RCOR1: variants seen among roughly 807,000 people sequenced by gnomAD.
RCOR1 encodes REST corepressor 1, also known as REST corepressor.
A neutral mutation model predicts 64.0 loss-of-function variants in RCOR1; 12 were observed. That is an observed-to-expected ratio of 0.19 (90% CI 0.12 to 0.30). RCOR1 has a LOEUF of 0.30. Among genes scored for constraint, RCOR1 ranks in the 10% least tolerant of loss-of-function variants. The pLI, the probability that RCOR1 is intolerant of heterozygous loss-of-function variation, is 1.00. For synonymous variants in RCOR1, 279 were observed against 227.2 expected, an observed-to-expected ratio of 1.23 and a Z score of -2.05; for missense variants, 502 against 621.2, an observed-to-expected ratio of 0.81 and a Z score of 2.04.
rs1164648407 is a variant in RCOR1, at chr14:102,693,750, G to A, written c.446-7528G>A. Reference sequence around the variant, plus strand: ...AGAAAGTTGGGGAAAAGTCCTCGAGGGTCCCCTTCTTTGTTTGGAGCAATT... The same window carrying A: ...AGAAAGTTGGGGAAAAGTCCTCGAGAGTCCCCTTCTTTGTTTGGAGCAATT... On this transcript the variant is annotated intron_variant, in intron 3 of 11. Coordinates refer to ENST00000262241, the MANE Select transcript of RCOR1 (RefSeq NM_015156.4). Among the ~76,000 whole-genome samples, 4 of 152,140 alleles carry A rather than the reference G, an allele frequency of 2.6e-5. No individual in the cohort carries two copies. The East Asian group carries it at 5.8e-4, about 22-fold the overall frequency.
chr14:102,624,773 GA>G lies in RCOR1; in HGVS notation c.361+31461del, dbSNP rs548109072. 2.3e-3 allele frequency among the ~76,000 whole-genome samples: 314 copies of G among 135,660 alleles called. 1 individual carries two copies. The highest frequency in any genetic ancestry group is 7.8e-3 in the Middle Eastern group (2 of 258). 89.0% of individuals were successfully genotyped at this position (135,660 alleles called of 152,430 possible). On this transcript the variant is annotated intron_variant, in intron 2 of 11. Transcript: ENST00000262241. ...AGGACGAGACCCTGTCTCCTCCTCA[GA>G]AAAAAAAAAAAAGCATTACTTAATC...
intron 2 of RCOR1, among the ~76,000 whole-genome samples, chr14:102,677,356 C>G (rs1895202976): frequency 7.0e-6 from 1 of 142,942 alleles, no homozygotes; most frequent in Non-Finnish European, 1.5e-5. Flanking sequence ...CCCCACCTCC[C>G]TCCCGGACGG....
chr14:102,706,457 C>A (rs1251549369), intron 4 of RCOR1, among the ~76,000 whole-genome samples: 3 of 152,038 alleles, frequency 2.0e-5, no homozygotes, highest in Non-Finnish European at 4.4e-5. Flanking sequence ...TAAATTTAAA[C>A]AGGTTGTAAG....
At chr14:102,720,092 G>A (rs1896146613) in intron 8 of RCOR1, among the ~76,000 whole-genome samples, 1 of 152,144 alleles carries the variant, frequency 6.6e-6, no homozygotes, top group African/African-American at 2.4e-5. Context: ...TTTTCGGGTA[G>A]CATCTTCTAC....
chr14:102,613,353 C>G (rs1278948824), intron 2 of RCOR1, among the ~76,000 whole-genome samples: 2 of 151,934 alleles, frequency 1.3e-5, no homozygotes, highest in African/African-American at 4.8e-5. Flanking sequence ...CCGCCATTCT[C>G]AGCCTCCCAA....
At chr14:102,617,313 T>A (rs1379914469) in intron 2 of RCOR1, among the ~76,000 whole-genome samples, 1 of 152,200 alleles carries the variant, frequency 6.6e-6, no homozygotes, top group Non-Finnish European at 1.5e-5. Flanking sequence ...GTATTTTGTA[T>A]TTTTTAGCGT....
intron 3 of RCOR1, among the ~76,000 whole-genome samples, chr14:102,696,690 A>G (rs1208423188): frequency 6.6e-6 from 1 of 152,120 alleles, no homozygotes; most frequent in Non-Finnish European, 1.5e-5. Context: ...GAGTTGGAAA[A>G]GTCCCCACGG....
chr14:102,633,751 C>A (rs1238322846), intron 2 of RCOR1, among the ~76,000 whole-genome samples: 1 of 151,678 alleles, frequency 6.6e-6, no homozygotes, highest in Non-Finnish European at 1.5e-5. Flanking sequence ...GTTGGCCAGG[C>A]TGGTCTCGAA....
intron 2 of RCOR1, among the ~76,000 whole-genome samples, chr14:102,676,520 T>C (rs1315497572): frequency 2.2e-3 from 21 of 9,724 alleles, no homozygotes; most frequent in African/African-American, 5.1e-3. Flanking sequence ...CCCCCCCACC[T>C]CCCTCCCGGA....
At chr14:102,685,114 A>G (rs1331665973) in intron 3 of RCOR1, among the ~76,000 whole-genome samples, 1 of 151,758 alleles carries the variant, frequency 6.6e-6, no homozygotes, top group Non-Finnish European at 1.5e-5. Context: ...GTGGCTGTTC[A>G]GAGTTCTGCC....
At position 102,729,097 on chromosome 14, in the gene RCOR1, CATAATT is replaced by C. The variant is rs759083620; in HGVS notation, c.*2595_*2600del. On this transcript the variant is annotated 3_prime_UTR_variant, in exon 12 of 12. Transcript: ENST00000262241. ...TCTTAAAAATTATCAATGTGAATGT[CATAATT>C]ATATATATTTTTGTGGAAAATTTTC... 6 of 152,522 alleles carry C rather than the reference CATAATT, an allele frequency of 3.9e-5. No individual in the cohort carries two copies. The highest frequency in any genetic ancestry group is 7.2e-5 in the African/African-American group (3 of 41,390). The allele number at this position is 152,522 out of a possible 1,614,324, so 9.4% of individuals were successfully genotyped here.
intron 2 of RCOR1, among the ~76,000 whole-genome samples, chr14:102,605,145 T>G (rs991093390): frequency 1.3e-5 from 2 of 151,962 alleles, no homozygotes; most frequent in Admixed American, 1.3e-4. Flanking sequence ...ATTAGTTGTT[T>G]CCATGTGGCC....
intron 2 of RCOR1, among the ~76,000 whole-genome samples, chr14:102,678,095 C>A (rs1265561760): frequency 6.6e-6 from 1 of 151,328 alleles, no homozygotes; most frequent in East Asian, 2.0e-4. Context: ...CGCAGGCACT[C>A]GGCAGGCTGA....
intron 3 of RCOR1, among the ~76,000 whole-genome samples, chr14:102,696,229 G>A (rs990129351): frequency 1.3e-5 from 2 of 151,864 alleles, no homozygotes; most frequent in South Asian, 2.1e-4. Context: ...TGCTTATTTC[G>A]GCTTGCTATT....
intron 7 of RCOR1, among the ~76,000 whole-genome samples, chr14:102,713,543 A>G (rs183971019): frequency 0.01 from 1,561 of 151,590 alleles, 15 homozygotes; most frequent in Admixed American, 0.015. Flanking sequence ...CAGCCTCCCA[A>G]AGTGCTGGGA....
At chr14:102,685,504 C>G (rs1895399718) in intron 3 of RCOR1, among the ~76,000 whole-genome samples, 1 of 145,478 alleles carries the variant, frequency 6.9e-6, no homozygotes. Flanking sequence ...TTTTTTGAGA[C>G]AGAGGTTTAT....
At position 102,723,682 on chromosome 14, in the gene RCOR1, A is replaced by G. The variant is rs1896207720; in HGVS notation, c.1419+1266A>G. Among the ~76,000 whole-genome samples the G allele has an allele frequency of 2.0e-5, 3 of 152,130 alleles. No homozygotes were observed. In the South Asian group the frequency reaches 6.2e-4, roughly 31 times the overall value. ...TCTTTTTATTTTCAGTGATTTTTGT[A>G]CCAGCACTAATTGCCCCTGTTAGCA... On this transcript the variant is annotated intron_variant, in intron 11 of 11. Transcript: ENST00000262241.
At chr14:102,719,977 C>T (rs967599576) in intron 8 of RCOR1, among the ~76,000 whole-genome samples, 7 of 152,130 alleles carry the variant, frequency 4.6e-5, no homozygotes, top group Non-Finnish European at 1.0e-4. Context: ...ACTGAAAGAC[C>T]ACTGAGCAAG....
At chr14:102,678,061 G>T (rs1895227245) in intron 2 of RCOR1, among the ~76,000 whole-genome samples, 1 of 151,608 alleles carries the variant, frequency 6.6e-6, no homozygotes, top group South Asian at 2.1e-4. Context: ...AAACCAGTCA[G>T]GCGTGGCGGC....
Sources: allele counts gnomAD v4.1 joint callset (sites outside exome capture counted in the v4.1 genomes callset), GRCh38; gene constraint gnomAD v4.1.1; transcripts MANE v1.5; gene names NCBI Gene and HGNC (gene_info 2026-07-23, HGNC 2026-07-21).